Variants in DOCK2 observed in about 807,000 individuals in gnomAD.
DOCK2 encodes the protein dedicator of cytokinesis 2.
A neutral mutation model predicts 248.9 loss-of-function variants in DOCK2; 87 were observed. The ratio of observed to expected loss-of-function variants is 0.35; its 90% CI spans 0.29 to 0.42. The LOEUF (loss-of-function observed/expected upper bound fraction) is 0.42, where lower values mean the gene tolerates loss of function less well. Ranked by LOEUF, DOCK2 falls within the 10% of genes least tolerant of loss-of-function variation. The pLI is 1.00. For synonymous variants in DOCK2, 805 were observed against 821.6 expected, an observed-to-expected ratio of 0.98 and a Z score of 0.35; for missense variants, 1,747 against 2,300.2, an observed-to-expected ratio of 0.76 and a Z score of 4.92.
At position 169,805,216 on chromosome 5, in the gene DOCK2, C is replaced by CAA. The variant is rs1178136278; in HGVS notation, c.2703+2026_2703+2027dup. ...CAACATTGCAAGACCTCTGTCTCTA[C>CAA]AAAAAAAAAAAAAAAAAGGAAAGAA... is the stretch of plus-strand genomic sequence containing the variant. On this transcript the variant is annotated intron_variant, in intron 26 of 51. Transcript: ENST00000520908. Among the ~76,000 whole-genome samples, 166 of 70,698 alleles carry CAA rather than the reference C, an allele frequency of 2.3e-3. 2 individuals are homozygous for CAA. Among genetic ancestry groups the CAA allele is most frequent in the East Asian group, 9.6e-3 (33 of 3,426 alleles). 46.4% of individuals were successfully genotyped at this position (70,698 alleles called of 152,430 possible).
intron 32 of DOCK2, among the ~76,000 whole-genome samples, chr5:170,010,549 T>A (rs1755246172): frequency 6.6e-6 from 1 of 152,226 alleles, no homozygotes; most frequent in Admixed American, 6.5e-5. Context: ...CTCCAGTTAA[T>A]AGCTGTCCTA....
chr5:169,787,811 CT>C (rs531378920), intron 25 of DOCK2, among the ~76,000 whole-genome samples: 2 of 124,036 alleles, frequency 1.6e-5, no homozygotes, highest in South Asian at 5.2e-4. Flanking sequence ...CTTCTTTTTT[CT>C]TTTTCTCTTC....
intron 11 of DOCK2, among the ~76,000 whole-genome samples, chr5:169,699,021 A>C (rs1042546466): frequency 6.6e-6 from 1 of 152,346 alleles, no homozygotes; most frequent in Non-Finnish European, 1.5e-5. Flanking sequence ...AATAGCCCTA[A>C]GGATGGTCCA....
intron 29 of DOCK2, among the ~76,000 whole-genome samples, chr5:169,987,363 G>A (rs767847380): frequency 6.6e-6 from 1 of 152,178 alleles, no homozygotes; most frequent in African/African-American, 2.4e-5. Flanking sequence ...TTCATGACCC[G>A]CCTTTGGAAC....
At chr5:170,053,712 C>T (rs1029058576) in intron 41 of DOCK2, among the ~76,000 whole-genome samples, 4 of 152,170 alleles carry the variant, frequency 2.6e-5, no homozygotes, top group Non-Finnish European at 5.9e-5. Context: ...TTAAACATTG[C>T]CATCTCTTAA....
chr5:169,923,483 GCACACACACACA>G (rs34053722), intron 27 of DOCK2, among the ~76,000 whole-genome samples: 23 of 148,926 alleles, frequency 1.5e-4, no homozygotes, highest in Admixed American at 8.0e-4. Context: ...ATGCACGTGG[GCACACACACACA>G]CACACACACA....
At chr5:169,867,458 T>C (rs1405755995) in intron 27 of DOCK2, among the ~76,000 whole-genome samples, 1 of 152,156 alleles carries the variant, frequency 6.6e-6, no homozygotes, top group Non-Finnish European at 1.5e-5. Flanking sequence ...TCTGTCTGTC[T>C]ATCTATTGAT....
intron 32 of DOCK2, among the ~76,000 whole-genome samples, chr5:170,012,113 T>C (rs1460055983): frequency 6.6e-6 from 1 of 152,192 alleles, no homozygotes; most frequent in Non-Finnish European, 1.5e-5. Flanking sequence ...GTGACTGAAT[T>C]GAGGCTAAAA....
At chr5:170,064,944 A>T (rs1255206632) in intron 44 of DOCK2, among the ~76,000 whole-genome samples, 2 of 152,210 alleles carry the variant, frequency 1.3e-5, no homozygotes, top group Non-Finnish European at 2.9e-5. Context: ...GTGTTAAAAA[A>T]TAAGTACATT....
chr5:169,942,309 G>A (rs766160714), intron 27 of DOCK2, among the ~76,000 whole-genome samples: 8 of 152,150 alleles, frequency 5.3e-5, no homozygotes, highest in Admixed American at 2.0e-4. Flanking sequence ...ATCATGAAGT[G>A]GATCCATGCC....
intron 41 of DOCK2, among the ~76,000 whole-genome samples, chr5:170,050,978 G>T (rs868606657): frequency 2.6e-5 from 4 of 152,180 alleles, no homozygotes; most frequent in Admixed American, 2.6e-4. Context: ...TAAAAGAGGC[G>T]TTAAGTGACT....
At chr5:169,709,904 C>T (rs985224056) in intron 15 of DOCK2, among the ~76,000 whole-genome samples, 6 of 152,192 alleles carry the variant, frequency 3.9e-5, no homozygotes, top group African/African-American at 9.7e-5. Flanking sequence ...TCCCAAAACT[C>T]GTTGACTACC....
chr5:170,046,835 A>G (rs143821727), intron 39 of DOCK2, among the ~76,000 whole-genome samples: 16 of 152,272 alleles, frequency 1.1e-4, no homozygotes, highest in Admixed American at 2.0e-4. Flanking sequence ...TTGCCTGCAC[A>G]GAGTCCACAT....
chr5:169,971,158 A>T (rs1012727147), intron 27 of DOCK2, among the ~76,000 whole-genome samples: 14 of 151,572 alleles, frequency 9.2e-5, no homozygotes, highest in South Asian at 6.2e-4. Flanking sequence ...TGAATTTAAG[A>T]GGCAAGAGGT....
At chr5:169,952,394 A>T (rs1238286777) in intron 27 of DOCK2, among the ~76,000 whole-genome samples, 1 of 152,012 alleles carries the variant, frequency 6.6e-6, no homozygotes, top group Non-Finnish European at 1.5e-5. Flanking sequence ...TCTTTCCTGG[A>T]TCATTTTAAT....
intron 1 of DOCK2, among the ~76,000 whole-genome samples, chr5:169,640,730 A>C (rs1255875147): frequency 6.6e-6 from 1 of 152,180 alleles, no homozygotes; most frequent in Non-Finnish European, 1.5e-5. Context: ...ATTGCCATAA[A>C]ACTTCCCTGG....
chr5:169,971,093 A>C (rs1777488216), intron 27 of DOCK2, among the ~76,000 whole-genome samples: 4 of 151,870 alleles, frequency 2.6e-5, no homozygotes, highest in Admixed American at 2.6e-4. Context: ...ACTGCAGAGG[A>C]TGGTAATCGG....
chr5:169,963,276 T>G (rs1306401841), intron 27 of DOCK2, among the ~76,000 whole-genome samples: 1 of 152,176 alleles, frequency 6.6e-6, no homozygotes, highest in East Asian at 1.9e-4. Flanking sequence ...GACAGATCCC[T>G]TATTTTCTCT....
intron 27 of DOCK2, among the ~76,000 whole-genome samples, chr5:169,865,916 G>A (rs1186015307): frequency 1.3e-5 from 2 of 152,338 alleles, no homozygotes; most frequent in Non-Finnish European, 1.5e-5. Flanking sequence ...CCGGGGACCC[G>A]AGTTCATGCT....
Sources: allele counts gnomAD v4.1 joint callset (sites outside exome capture counted in the v4.1 genomes callset), GRCh38; gene constraint gnomAD v4.1.1; transcripts MANE v1.5; gene names NCBI Gene and HGNC (gene_info 2026-07-23, HGNC 2026-07-21).